The following POLR3B variants were observed in gnomAD, a reference collection of about 807,000 sequenced individuals.
POLR3B encodes RNA polymerase III subunit B.
In POLR3B, 96 loss-of-function variants were observed where a neutral mutation model predicts 147.4. The observed-to-expected ratio is 0.65, with a 90% confidence interval of 0.55 to 0.77. The LOEUF is 0.77. POLR3B is among the 30% of genes least tolerant of loss of function. The probability of loss-of-function intolerance (pLI) is 0.00; values close to 1 mark genes in which losing one functional copy is unlikely to be tolerated. For missense variants in POLR3B, 1,036 were observed against 1,413.5 expected (o/e 0.73, Z 4.28); for synonymous variants, 461 against 485.9 (o/e 0.95, Z 0.67).
At position 106,509,635 on chromosome 12, in the gene POLR3B, T is replaced by G; in HGVS notation, c.*86T>G. ...AGGGATTTAGGACTACGTCTCCTCC[T>G]GTGAAGAATTCCCTTGCGTATTCTC... On this transcript the variant is annotated 3_prime_UTR_variant, in exon 28 of 28. Transcript: ENST00000228347. 8.2e-7 allele frequency: 1 copy of G among 1,222,978 alleles called. No individual in the cohort carries two copies. Among genetic ancestry groups the G allele is most frequent in the South Asian group, 1.2e-5 (1 of 80,788 alleles). The allele number at this position is 1,222,978 out of a possible 1,614,324, so 75.8% of individuals were successfully genotyped here. A position where few individuals can be genotyped will look rare whatever the true frequency, so the allele number is the denominator to read the frequency against.
intron 15 of POLR3B, 114 bp downstream of exon 15, chr12:106,432,594 GACCTTC>G: frequency 1.1e-6 from 1 of 885,896 alleles, no homozygotes; most frequent in Non-Finnish European, 1.9e-6. Flanking sequence ...GGCCCAGGTT[GACCTTC>G]ACTTAAAGGT....
intron 23 of POLR3B, among the ~76,000 whole-genome samples, chr12:106,468,069 A>G (rs1400936888): frequency 6.6e-6 from 1 of 152,134 alleles, no homozygotes; most frequent in Non-Finnish European, 1.5e-5. Flanking sequence ...TTGGCTGTGA[A>G]TCCGTCTGGT....
chr12:106,444,692 C>G, intron 19 of POLR3B, 102 bp downstream of exon 19: 1 of 1,271,338 alleles, frequency 7.9e-7, no homozygotes, highest in Admixed American at 1.9e-5. Context: ...ATGTTCCCAA[C>G]CAGGCACTGG....
chr12:106,431,388 A>T (rs1030398428), intron 14 of POLR3B, among the ~76,000 whole-genome samples: 28 of 152,346 alleles, frequency 1.8e-4, no homozygotes, highest in Middle Eastern at 6.8e-3. Flanking sequence ...ACTTCAAAAA[A>T]GTAGCTATTT....
intron 23 of POLR3B, among the ~76,000 whole-genome samples, chr12:106,495,708 G>A (rs2038469466): frequency 6.6e-6 from 1 of 152,194 alleles, no homozygotes; most frequent in Non-Finnish European, 1.5e-5. Context: ...GAGCAAAACT[G>A]CTGCTGACTT....
intron 10 of POLR3B, among the ~76,000 whole-genome samples, chr12:106,400,135 G>A (rs2037041816): frequency 6.6e-6 from 1 of 152,210 alleles, no homozygotes; most frequent in Admixed American, 6.6e-5. Flanking sequence ...AGGGATGGAG[G>A]AAGATCTGCC....
At chr12:106,397,699 G>A (rs991498686) in intron 10 of POLR3B, among the ~76,000 whole-genome samples, 2 of 152,100 alleles carry the variant, frequency 1.3e-5, no homozygotes, top group East Asian at 3.9e-4. Context: ...TTTTATTGCT[G>A]AGTAGTATTT....
At chr12:106,438,124 G>T (rs1052976373) in intron 18 of POLR3B, among the ~76,000 whole-genome samples, 1 of 151,980 alleles carries the variant, frequency 6.6e-6, no homozygotes, top group East Asian at 1.9e-4. Context: ...TTCCACCTGT[G>T]AGTGAGAACA....
chr12:106,457,035 G>T, intron 20 of POLR3B, 103 bp from the exon 21 acceptor site: 1 of 942,726 alleles, frequency 1.1e-6, no homozygotes, highest in African/African-American at 1.6e-5. Flanking sequence ...TTTGGGATTT[G>T]GGGGAGGGTG....
chr12:106,491,495 C>T (rs2038407436), intron 23 of POLR3B, among the ~76,000 whole-genome samples: 1 of 152,176 alleles, frequency 6.6e-6, no homozygotes, highest in Admixed American at 6.6e-5. Flanking sequence ...TGCACTGTGA[C>T]TGATGGAGAA....
At chr12:106,466,261 T>A (rs1416851534) in intron 23 of POLR3B, among the ~76,000 whole-genome samples, 1 of 152,226 alleles carries the variant, frequency 6.6e-6, no homozygotes, top group East Asian at 1.9e-4. Flanking sequence ...TTTTGAGAAG[T>A]GTCTGTTCAT....
rs551334342 is a variant in POLR3B, at chr12:106,507,652, G to T, written c.3273-1768G>T. On this transcript the variant is annotated intron_variant, in intron 27 of 27. Coordinates refer to ENST00000228347, the MANE Select transcript of POLR3B (RefSeq NM_018082.6). ...CCAAGTTTGTATTTGTACTGTTAACGGATCAAATACAGGTTAAGCACCCTG... is the reference window on the plus strand; with the variant it reads ...CCAAGTTTGTATTTGTACTGTTAACTGATCAAATACAGGTTAAGCACCCTG... 6 of 372,830 alleles carry T rather than the reference G, an allele frequency of 1.6e-5. No individual in the cohort carries two copies. In the East Asian group the frequency reaches 4.8e-4, roughly 30 times the overall value. The allele number at this position is 372,830 out of a possible 1,614,324, so 23.1% of individuals were successfully genotyped here.
intron 23 of POLR3B, among the ~76,000 whole-genome samples, chr12:106,491,185 T>G (rs1054735967): frequency 6.6e-6 from 1 of 152,220 alleles, no homozygotes; most frequent in African/African-American, 2.4e-5. Flanking sequence ...CATTAGCTCA[T>G]CTGTTCTTCT....
intron 23 of POLR3B, among the ~76,000 whole-genome samples, chr12:106,470,830 G>A (rs1012687565): frequency 3.3e-5 from 5 of 152,130 alleles, no homozygotes; most frequent in African/African-American, 9.7e-5. Context: ...TCCTCTGGAA[G>A]CTTCGTCCCA....
At chr12:106,374,321 A>T (rs971476221) in intron 6 of POLR3B, among the ~76,000 whole-genome samples, 1 of 152,002 alleles carries the variant, frequency 6.6e-6, no homozygotes, top group African/African-American at 2.4e-5. Flanking sequence ...GGCTCAGGTG[A>T]TCCTCCCACC....
intron 10 of POLR3B, 117 bp downstream of exon 10, chr12:106,393,270 G>A: frequency 7.2e-7 from 1 of 1,379,336 alleles, no homozygotes; most frequent in Non-Finnish European, 1.0e-6. Flanking sequence ...AAAGGTATTG[G>A]GGAGATATGG....
intron 21 of POLR3B, 62 bp from the exon 22 acceptor site, chr12:106,459,189 C>T (rs574494663): frequency 4.5e-5 from 43 of 955,178 alleles, no homozygotes; most frequent in African/African-American, 2.2e-4. Context: ...TTGCCTAGTT[C>T]GTAATCTTTG....
In POLR3B at chr12:106,454,926, T is replaced by G. The variant is rs3759308; in HGVS notation, c.2293+215T>G. ...TTGTTAAACATACTACTACAGAATA[T>G]TTTTCTCCTTTATTATTTTATTGGT... On this transcript the variant is annotated intron_variant, in intron 20 of 27. Transcript: ENST00000228347. Among the ~76,000 whole-genome samples the G allele has an allele frequency of 0.059, 8,938 of 152,248 alleles. 351 individuals are homozygous for G. Among genetic ancestry groups the G allele is most frequent in the East Asian group, 0.14 (727 of 5,192 alleles).
At chr12:106,423,659 T>A (rs2037399526) in intron 12 of POLR3B, among the ~76,000 whole-genome samples, 1 of 152,030 alleles carries the variant, frequency 6.6e-6, no homozygotes, top group Non-Finnish European at 1.5e-5. Flanking sequence ...TCTATCTGAG[T>A]CCTCAAAAGA....
Sources: allele counts gnomAD v4.1 joint callset (sites outside exome capture counted in the v4.1 genomes callset), GRCh38; gene constraint gnomAD v4.1.1; transcripts MANE v1.5; gene names NCBI Gene and HGNC (gene_info 2026-07-23, HGNC 2026-07-21).